The following DZIP3 variants were observed in gnomAD, a reference collection of about 807,000 sequenced individuals.
The protein encoded by DZIP3 is DAZ interacting zinc finger protein 3.
A neutral mutation model predicts 162.0 loss-of-function variants in DZIP3; 118 were observed. The ratio of observed to expected loss-of-function variants is 0.73; its 90% CI spans 0.63 to 0.85. The LOEUF (loss-of-function observed/expected upper bound fraction) is 0.85. Ranked by LOEUF, DZIP3 falls within the 40% of genes least tolerant of loss-of-function variation. The probability of loss-of-function intolerance (pLI) is 0.00; values close to 1 mark genes in which losing one functional copy is unlikely to be tolerated. For missense variants in DZIP3, 1,331 were observed against 1,407.0 expected (o/e 0.95, Z 0.86); for synonymous variants, 438 against 458.6 (o/e 0.96, Z 0.57).
chr3:108,662,013 A>G (rs769696007), intron 20 of DZIP3, 41 bp downstream of exon 20: 3 of 1,595,862 alleles, frequency 1.9e-6, no homozygotes, highest in Non-Finnish European at 2.6e-6. Flanking sequence ...AGTGAGAAGT[A>G]TTTCAAATAT....
chr3:108,629,609 T>C (rs1349890570), intron 8 of DZIP3, among the ~76,000 whole-genome samples: 2 of 152,084 alleles, frequency 1.3e-5, no homozygotes, highest in Non-Finnish European at 2.9e-5. Flanking sequence ...TTTTTATTTA[T>C]ATCTGTCCAG....
intron 19 of DZIP3, among the ~76,000 whole-genome samples, chr3:108,657,038 C>G (rs200936091): frequency 2.0e-3 from 301 of 151,564 alleles, no homozygotes; most frequent in African/African-American, 6.2e-3. Flanking sequence ...GGGGAGAATG[C>G]AACCAAGTTG....
At chr3:108,663,288 G>A (rs1038096605) in intron 21 of DZIP3, among the ~76,000 whole-genome samples, 9 of 152,294 alleles carry the variant, frequency 5.9e-5, no homozygotes, top group Admixed American at 5.9e-4. Context: ...CGGATGCGGT[G>A]GCTCATGCCT....
intron 9 of DZIP3, among the ~76,000 whole-genome samples, chr3:108,633,865 C>T (rs1206614166): frequency 6.5e-5 from 9 of 138,672 alleles, no homozygotes; most frequent in Admixed American, 1.4e-4. Context: ...TATCAGAGTA[C>T]TTCTGATAGA....
At chr3:108,649,106 T>G (rs1212677772) in intron 17 of DZIP3, 144 bp downstream of exon 17, 3 of 390,602 alleles carry the variant, frequency 7.7e-6, no homozygotes, top group Middle Eastern at 6.8e-4. Context: ...TATAGAGAAG[T>G]CTACATATGT....
At chr3:108,674,308 T>C (rs766145647) in intron 24 of DZIP3, 127 bp downstream of exon 24, 1 of 673,344 alleles carries the variant, frequency 1.5e-6, no homozygotes, top group Admixed American at 3.4e-5. Flanking sequence ...GCTCTTGTGG[T>C]TTTTTTGGGT....
chr3:108,630,167 G>A (rs1941767302), intron 8 of DZIP3, among the ~76,000 whole-genome samples: 1 of 151,654 alleles, frequency 6.6e-6, no homozygotes, highest in Non-Finnish European at 1.5e-5. Flanking sequence ...TTACCTTTTG[G>A]GTAATTATTA....
intron 3 of DZIP3, 33 bp downstream of exon 3, chr3:108,608,191 GTTAA>G: frequency 2.8e-6 from 4 of 1,450,884 alleles, no homozygotes; most frequent in Non-Finnish European, 3.7e-6. Flanking sequence ...TTAACTGTTA[GTTAA>G]TTGATAATTA....
At chr3:108,614,132 C>A (rs1314171561) in intron 4 of DZIP3, among the ~76,000 whole-genome samples, 2 of 152,112 alleles carry the variant, frequency 1.3e-5, no homozygotes, top group Non-Finnish European at 2.9e-5. Context: ...ATAGTTAAAA[C>A]TAATGAAATC....
intron 1 of DZIP3, among the ~76,000 whole-genome samples, chr3:108,591,775 G>C (rs1438665682): frequency 6.6e-6 from 1 of 152,044 alleles, no homozygotes; most frequent in African/African-American, 2.4e-5. Flanking sequence ...AAGGCAGGAG[G>C]ACCTTGAACC....
At chr3:108,657,714 G>C (rs1416934304) in intron 19 of DZIP3, among the ~76,000 whole-genome samples, 2 of 152,140 alleles carry the variant, frequency 1.3e-5, no homozygotes, top group Non-Finnish European at 2.9e-5. Flanking sequence ...AAAGAGTCAA[G>C]ATCCATCAGT....
chr3:108,684,133 A>C, intron 26 of DZIP3, 83 bp from the exon 27 acceptor site: 1 of 1,466,932 alleles, frequency 6.8e-7, no homozygotes, highest in Non-Finnish European at 9.2e-7. Context: ...ATATTGCTGT[A>C]TGAATTTAGA....
rs760423802 is a variant in DZIP3 at position 108,644,650 on chromosome 3, T to C, written c.1628T>C (p.Met543Thr). ...GATATTCTTCTGCGCCTTGGGATGA[T>C]GCAAGAGGATATTGACAAAGTGAAG... is the stretch of plus-strand genomic sequence containing the variant. ...VSDILLRLGM[M>T]QEDIDKVKEN... Residue 543 changes from methionine to threonine, a missense_variant, in exon 14 of 33, where the codon ATG (methionine) becomes ACG (threonine). Around this residue, in one of 2 missense-constraint regions of DZIP3, gnomAD observed 1,278 missense variants for 1,317.1 expected, o/e 0.97. Coordinates refer to ENST00000361582, the MANE Select transcript of DZIP3 (RefSeq NM_014648.4). 3 of 1,614,058 alleles carry C rather than the reference T, an allele frequency of 1.9e-6. No homozygotes were observed. Among genetic ancestry groups the C allele is most frequent in the Non-Finnish European group, 1.7e-6 (2 of 1,179,962 alleles).
At chr3:108,595,128 G>C (rs1283191231) in intron 1 of DZIP3, among the ~76,000 whole-genome samples, 1 of 152,162 alleles carries the variant, frequency 6.6e-6, no homozygotes, top group Non-Finnish European at 1.5e-5. Flanking sequence ...GAAACACATG[G>C]TATTTTTTAG....
chr3:108,656,695 G>C (rs1274188845), intron 19 of DZIP3, among the ~76,000 whole-genome samples: 1 of 152,152 alleles, frequency 6.6e-6, no homozygotes, highest in Admixed American at 6.5e-5. Context: ...ACTACTCCGA[G>C]CTAAAGGAGG....
chr3:108,599,065 A>G (rs80150987), intron 1 of DZIP3, among the ~76,000 whole-genome samples: 9,709 of 152,304 alleles, frequency 0.064, 428 homozygotes, highest in Admixed American at 0.13. Context: ...TTAAGACAAG[A>G]TGTTAATTTT....
intron 21 of DZIP3, among the ~76,000 whole-genome samples, chr3:108,663,284 C>T (rs1474596925): frequency 2.0e-5 from 3 of 152,094 alleles, no homozygotes; most frequent in South Asian, 2.1e-4. Context: ...AGGCCGGATG[C>T]GGTGGCTCAT....
At chr3:108,623,362 A>G (rs1941454044) in intron 5 of DZIP3, among the ~76,000 whole-genome samples, 1 of 152,134 alleles carries the variant, frequency 6.6e-6, no homozygotes, top group Admixed American at 6.5e-5. Flanking sequence ...TTCAGGGCCC[A>G]AGGGCTCTTT....
In DZIP3 at chr3:108,644,396, G is replaced by T. The variant is rs756886454; in HGVS notation, c.1374G>T (p.Glu458Asp). 1 of 1,614,072 alleles carries T rather than the reference G, an allele frequency of 6.2e-7. No homozygotes were observed. Among genetic ancestry groups the T allele is most frequent in the Admixed American group, 1.7e-5 (1 of 60,020 alleles). The change falls in exon 14 of 33, where the codon GAG becomes GAT. Residue 458 changes from glutamate (E) to aspartate (D), a missense_variant. Transcript: ENST00000361582. ...ATCTGCTTTATCCTCCTAACAAGGA[G>T]TTACCGCAATCCAAACAGTTTGACT... Reference protein sequence around the residue: ...SWHLLYPPNKELPQSKQFDLC... With the variant: ...SWHLLYPPNKDLPQSKQFDLC...
Sources: allele counts gnomAD v4.1 joint callset (sites outside exome capture counted in the v4.1 genomes callset), GRCh38; gene constraint gnomAD v4.1.1; regional missense constraint gnomAD v4.1.1; transcripts MANE v1.5; gene names NCBI Gene and HGNC (gene_info 2026-07-23, HGNC 2026-07-21).